MED12: variants seen among roughly 807,000 people sequenced by gnomAD.
MED12 encodes the protein mediator of RNA polymerase II transcription subunit 12.
A neutral mutation model predicts 177.7 loss-of-function variants in MED12; 10 were observed. The ratio of observed to expected loss-of-function variants is 0.06; its 90% CI spans 0.03 to 0.10. The LOEUF (loss-of-function observed/expected upper bound fraction) is 0.10, where lower values mean the gene tolerates loss of function less well. Among genes scored for constraint, MED12 ranks in the 10% least tolerant of loss-of-function variants. The probability of loss-of-function intolerance (pLI) is 1.00; values close to 1 mark genes in which losing one functional copy is unlikely to be tolerated. For missense variants in MED12, 867 were observed against 1,780.8 expected (o/e 0.49, Z 9.23); for synonymous variants, 641 against 678.4 (o/e 0.94, Z 0.86).
At chrX:71,123,517 G>T in intron 11 of MED12, 77 bp from the exon 12 acceptor site, 1 of 1,122,117 alleles carries the variant, frequency 8.9e-7, no homozygotes, top group Non-Finnish European at 1.2e-6. Context: ...CAAGCAGGTG[G>T]TAGTTTAAGG....
intron 13 of MED12, 28 bp downstream of exon 13, chrX:71,124,416 C>A (rs1385030544): frequency 9.1e-7 from 1 of 1,097,682 alleles, no homozygotes; most frequent in Non-Finnish European, 1.2e-6. Flanking sequence ...TGCACTAGAT[C>A]GTTTCTTCTG....
At chrX:71,142,086 C>A in intron 44 of MED12, 89 bp from the exon 45 acceptor site, 1 of 1,110,903 alleles carries the variant, frequency 9.0e-7, no homozygotes, top group Non-Finnish European at 1.2e-6. Context: ...CCATTCCATC[C>A]CCTTCCCTCG....
chrX:71,120,192 G>T (rs1464389504), intron 4 of MED12, 22 bp downstream of exon 4: 1 of 1,198,262 alleles, frequency 8.3e-7, no homozygotes, highest in African/African-American at 1.8e-5. Flanking sequence ...CTAACACCAG[G>T]TGTACTGCTG....
intron 6 of MED12, 41 bp from the exon 7 acceptor site, chrX:71,121,521 C>G (rs775793223): frequency 8.3e-7 from 1 of 1,210,838 alleles, no homozygotes. Flanking sequence ...AGCAGGGTCC[C>G]CTGGAGAGAA....
intron 1 of MED12, among the ~76,000 whole-genome samples, 165 bp downstream of exon 1, chrX:71,119,018 T>TG (rs1367253103): frequency 2.0e-4 from 3 of 15,207 alleles, no homozygotes; most frequent in Non-Finnish European, 3.9e-4. Context: ...CGGGGGGCGG[T>TG]GGGGGGTTCC....
chrX:71,140,922 CCA>C (rs1873118133), intron 42 of MED12, 65 bp downstream of exon 42: 1 of 1,193,229 alleles, frequency 8.4e-7, no homozygotes, highest in Admixed American at 2.2e-5. Flanking sequence ...CAAGTTCTTC[CCA>C]CACAGTTACC....
chrX:71,134,656 C>T, intron 34 of MED12, 57 bp from the exon 35 acceptor site: 1 of 1,195,308 alleles, frequency 8.4e-7, no homozygotes, highest in South Asian at 1.8e-5. Context: ...TCTGCTGAGG[C>T]CTTTTTCTAT....
At position 71,126,562 on chromosome X, in the gene MED12, G is replaced by A. The variant is rs754690272; in HGVS notation, c.2685+78G>A. ...GCTACGGAGGGTCATAAGGACAGGC[G>A]TAGAGGCTCCAGCCAGTTTCCCAAG... On this transcript the variant is annotated intron_variant, in intron 19 of 44. Coordinates refer to ENST00000374080, the MANE Select transcript of MED12 (RefSeq NM_005120.3). The A allele has an allele frequency of 9.0e-6, 10 of 1,113,044 alleles. No homozygotes were observed. In the East Asian group the frequency reaches 1.5e-4, roughly 17 times the overall value. 91.7% of individuals were successfully genotyped at this position (1,113,044 alleles called of 1,213,427 possible).
Position 71,124,843 on chromosome X carries a change from CAGTA to C in MED12, c.2055+3_2055+6del. 8.3e-7 allele frequency: 1 copy of C among 1,201,705 alleles called. No homozygotes were observed. Among genetic ancestry groups the C allele is most frequent in the Non-Finnish European group, 1.1e-6 (1 of 886,408 alleles). ...GAGGACATGGAGAAGCCTGATTTCT[CAGTA>C]AGTTCAATCCTGAGCGTGGCAGAAT... is the stretch of plus-strand genomic sequence containing the variant. On this transcript the variant is annotated splice_donor_variant and splice_donor_region_variant and coding_sequence_variant and intron_variant, in exon 14 of 45. Coordinates refer to ENST00000374080, the MANE Select transcript of MED12 (RefSeq NM_005120.3). LOFTEE classifies it high-confidence loss of function.
At chrX:71,131,841 G>A (rs981442309) in intron 29 of MED12, among the ~76,000 whole-genome samples, 1 of 111,115 alleles carries the variant, frequency 9.0e-6, no homozygotes, top group Non-Finnish European at 1.9e-5. Context: ...TGGTGGTGGA[G>A]CCTGTTTCTC....
rs1272280499 is a variant in MED12 at position 71,127,996 on chromosome X, C to G, written c.3085C>G (p.Pro1029Ala). ...PEFMIDTLEN[P>A]AAHTFTYTGL... Reference sequence around the variant, plus strand: ...GTTCATGATCGACACTCTAGAGAACCCTGCAGCTCACACCTTCACCTACAC... The same window carrying G: ...GTTCATGATCGACACTCTAGAGAACGCTGCAGCTCACACCTTCACCTACAC... Residue 1029 changes from proline (P) to alanine (A), a missense_variant, in exon 22 of 45, where the codon CCT (proline) becomes GCT (alanine). Physicochemically the swap from Pro to Ala is conservative, Grantham distance 27 (BLOSUM62 -1). Around this residue, in one of 14 missense-constraint regions of MED12, gnomAD observed 70 missense variants for 143.6 expected, o/e 0.49. Coordinates refer to ENST00000374080, the MANE Select transcript of MED12 (RefSeq NM_005120.3). 8.3e-7 allele frequency: 1 copy of G among 1,210,139 alleles called. No individual in the cohort carries two copies. The highest frequency in any genetic ancestry group is 1.1e-6 in the Non-Finnish European group (1 of 894,624).
chrX:71,141,488 C>T (rs1339122900), intron 43 of MED12, 118 bp downstream of exon 43: 11 of 984,691 alleles, frequency 1.1e-5, no homozygotes. Flanking sequence ...GGGCATGGCA[C>T]CCTAAAAATG....
chrX:71,135,964 C>T (rs1042834433), intron 36 of MED12, among the ~76,000 whole-genome samples: 2 of 108,965 alleles, frequency 1.8e-5, no homozygotes, highest in Admixed American at 9.9e-5. Flanking sequence ...CTCCCCGCTC[C>T]CTCTCTGGCT....
At chrX:71,137,115 A>G in intron 38 of MED12, 72 bp from the exon 39 acceptor site, 2 of 1,192,178 alleles carry the variant, frequency 1.7e-6, no homozygotes, top group East Asian at 3.0e-5. Flanking sequence ...CTGAGGAGCT[A>G]TGGATGTCAA....
At chrX:71,132,734 CCA>C (rs1214677829) in intron 31 of MED12, 109 bp from the exon 32 acceptor site, 3 of 857,156 alleles carry the variant, frequency 3.5e-6, no homozygotes, top group Non-Finnish European at 5.0e-6. Flanking sequence ...GACTCCCAAC[CCA>C]CAGTCTCCCT....
rs181473092 is a variant in MED12 at position 71,133,952 on chromosome X, G to A, written c.4618-405G>A. 2.1e-3 allele frequency among the ~76,000 whole-genome samples: 236 copies of A among 110,851 alleles called. 2 individuals carry two copies. The highest frequency in any genetic ancestry group is 4.7e-3 in the Middle Eastern group (1 of 212). On this transcript the variant is annotated intron_variant, in intron 33 of 44. Transcript: ENST00000374080. ...TCATAGGCTCAACTCAAGCATGGCC[G>A]GGCGCGGTGGCTCACGCCTGTAATC...
chrX:71,134,268 G>A lies in MED12; in HGVS notation c.4618-89G>A, dbSNP rs773142491. 2.3e-5 allele frequency: 11 copies of A among 477,729 alleles called. No individual in the cohort carries two copies. The South Asian group carries it at 3.2e-4, about 14-fold the overall frequency. 39.4% of individuals were successfully genotyped at this position (477,729 alleles called of 1,213,427 possible). A position where few individuals can be genotyped will look rare whatever the true frequency, so the allele number is the denominator to read the frequency against. ...AAAAAAAAACTCAAGCATGAACTCA[G>A]GCGTCCCAACTCAGATTGGAACTAA... On this transcript the variant is annotated intron_variant, in intron 33 of 44. Transcript: ENST00000374080.
In MED12 at chrX:71,130,287, A is replaced by G. The variant is rs1569481782; in HGVS notation, c.4047+73A>G. 3 of 1,036,580 alleles carry G rather than the reference A, an allele frequency of 2.9e-6. No homozygotes were observed. The East Asian group carries it at 9.8e-5, about 34-fold the overall frequency. 85.4% of individuals were successfully genotyped at this position (1,036,580 alleles called of 1,213,427 possible). A position where few individuals can be genotyped will look rare whatever the true frequency, so the allele number is the denominator to read the frequency against. ...GGGGAGAAACAATAGGAACCTTGAG[A>G]AAAGGAGAGGGGCAGTTAAGTAGAG... On this transcript the variant is annotated intron_variant, in intron 28 of 44. Coordinates refer to ENST00000374080, the MANE Select transcript of MED12 (RefSeq NM_005120.3).
At position 71,130,118 on chromosome X, in the gene MED12, G is replaced by A. The variant is rs755194632; in HGVS notation, c.3951G>A (p.Ala1317=). The change falls in exon 28 of 45, where the codon GCG becomes GCA. Residue 1317 remains alanine (A), a synonymous_variant. Coordinates refer to ENST00000374080, the MANE Select transcript of MED12 (RefSeq NM_005120.3). The part of the protein sequence containing the change: ...LQDPVLSSAQ[A]QRLMQLICYP... Reference sequence around the variant, plus strand: ...ACCCAGTGTTGAGTAGTGCCCAGGCGCAGCGCCTCATGCAGCTCATTTGCT... The same window carrying A: ...ACCCAGTGTTGAGTAGTGCCCAGGCACAGCGCCTCATGCAGCTCATTTGCT... 15 of 1,208,444 alleles carry A rather than the reference G, an allele frequency of 1.2e-5. No individual in the cohort carries two copies. The highest frequency in any genetic ancestry group is 8.9e-5 in the South Asian group (5 of 56,339).
Sources: gnomAD v4.1 joint callset for allele counts (sites outside exome capture counted in the v4.1 genomes callset) on GRCh38, gnomAD v4.1.1 for gene constraint, gnomAD v4.1.1 regional missense constraint, MANE v1.5 for transcripts, NCBI Gene and HGNC (gene_info 2026-07-23, HGNC 2026-07-21) for gene names.